Variants in IL1RAPL1 observed in about 807,000 individuals in gnomAD.
IL1RAPL1 encodes the protein interleukin 1 receptor accessory protein like 1.
IL1RAPL1 carries 3 observed loss-of-function variants against 48.4 expected under a neutral mutation model. The observed-to-expected ratio is 0.06, with a 90% CI of 0.03 to 0.16. The LOEUF is 0.16. Among genes scored for constraint, IL1RAPL1 ranks in the 10% least tolerant of loss-of-function variants. The probability of loss-of-function intolerance (pLI) is 1.00; values close to 1 mark genes in which losing one functional copy is unlikely to be tolerated. For missense variants in IL1RAPL1, 349 were observed against 530.6 expected (o/e 0.66, Z 3.36); for synonymous variants, 185 against 187.7 (o/e 0.99, Z 0.12).
chrX:29,652,333 T>A (rs1602346933), intron 5 of IL1RAPL1, among the ~76,000 whole-genome samples: 1 of 111,423 alleles, frequency 9.0e-6, no homozygotes, highest in African/African-American at 3.3e-5. Flanking sequence ...GGTAAACAGA[T>A]TGTGTTTAAG....
intron 5 of IL1RAPL1, among the ~76,000 whole-genome samples, chrX:29,589,386 A>C (rs1401117842): frequency 9.0e-6 from 1 of 111,728 alleles, no homozygotes; most frequent in Non-Finnish European, 1.9e-5. Context: ...GAGTAATCCA[A>C]ACAGGCCATA....
chrX:28,690,548 A>C (rs919917101), intron 1 of IL1RAPL1, among the ~76,000 whole-genome samples: 2 of 111,151 alleles, frequency 1.8e-5, no homozygotes, highest in Non-Finnish European at 3.8e-5. Flanking sequence ...TCTGACTTGC[A>C]ATCTACCTCT....
intron 6 of IL1RAPL1, among the ~76,000 whole-genome samples, chrX:29,757,171 CAGAT>C (rs1176958362): frequency 8.9e-6 from 1 of 112,065 alleles, no homozygotes; most frequent in African/African-American, 3.2e-5. Flanking sequence ...AGAAAACTAA[CAGAT>C]AGCCAAAATA....
At position 28,721,420 on chromosome X, in the gene IL1RAPL1, C is replaced by T. The variant is rs1203016584; in HGVS notation, c.-24-67900C>T. ...TTGAGAAGTGTCTGTTCATATCCTT[C>T]GCCCACTTTTTGATGGGGTTGTTTG... On this transcript the variant is annotated intron_variant, in intron 1 of 10. Coordinates refer to ENST00000378993, the MANE Select transcript of IL1RAPL1 (RefSeq NM_014271.4). 7.1e-4 allele frequency among the ~76,000 whole-genome samples: 79 copies of T among 111,694 alleles called. 1 individual carries two copies. The highest frequency in any genetic ancestry group is 2.3e-3 in the African/African-American group (71 of 30,741).
At chrX:28,651,096 T>A (rs1934678095) in intron 1 of IL1RAPL1, among the ~76,000 whole-genome samples, 3 of 112,236 alleles carry the variant, frequency 2.7e-5, no homozygotes, top group African/African-American at 9.7e-5. Flanking sequence ...AAAACTACCC[T>A]CATGCTATGT....
chrX:28,897,236 C>T (rs1265540765), intron 2 of IL1RAPL1, among the ~76,000 whole-genome samples: 2 of 110,590 alleles, frequency 1.8e-5, no homozygotes, highest in Admixed American at 1.9e-4. Context: ...GTTCTTGCCC[C>T]CTAGAAAAGC....
chrX:28,842,486 G>A (rs956798985), intron 2 of IL1RAPL1, among the ~76,000 whole-genome samples: 2 of 110,284 alleles, frequency 1.8e-5, no homozygotes, highest in African/African-American at 3.3e-5. Flanking sequence ...AATCTCCTGG[G>A]GTGCCTGTGA....
chrX:29,147,374 A>G (rs1007615833), intron 2 of IL1RAPL1, among the ~76,000 whole-genome samples: 2 of 111,976 alleles, frequency 1.8e-5, no homozygotes, highest in Non-Finnish European at 1.9e-5. Context: ...GTAAATATAA[A>G]GGGAGGGGGA....
chrX:29,017,090 T>A (rs1926258003), intron 2 of IL1RAPL1, among the ~76,000 whole-genome samples: 1 of 112,245 alleles, frequency 8.9e-6, no homozygotes, highest in African/African-American at 3.2e-5. Flanking sequence ...AAGTATGACT[T>A]CTGTAACACT....
At chrX:29,179,866 C>A (rs1452420747) in intron 2 of IL1RAPL1, among the ~76,000 whole-genome samples, 2 of 111,066 alleles carry the variant, frequency 1.8e-5, no homozygotes, top group Non-Finnish European at 3.8e-5. Context: ...ACTGGAATTA[C>A]CTGGAGGGCT....
rs192407699 is a variant in IL1RAPL1 at position 29,686,522 on chromosome X, C to G, written c.778+18018C>G. Among the ~76,000 whole-genome samples the G allele has an allele frequency of 7.1e-3, 718 of 100,691 alleles. 5 individuals carry two copies. Among genetic ancestry groups the G allele is most frequent in the African/African-American group, 0.025 (680 of 27,374 alleles). 87.4% of individuals were successfully genotyped at this position (100,691 alleles called of 115,157 possible). On this transcript the variant is annotated intron_variant, in intron 6 of 10. Transcript: ENST00000378993. ...GTTTCCTTGATCCCCTGCCTCCCCCCACCCCCCTAAAGATTTATTTATTTA... is the reference window on the plus strand; with the variant it reads ...GTTTCCTTGATCCCCTGCCTCCCCCGACCCCCCTAAAGATTTATTTATTTA...
intron 1 of IL1RAPL1, among the ~76,000 whole-genome samples, chrX:28,683,124 A>G (rs1935079591): frequency 8.9e-6 from 1 of 111,740 alleles, no homozygotes; most frequent in Non-Finnish European, 1.9e-5. Flanking sequence ...TTGAGTTCAT[A>G]TTGGATTCCT....
chrX:29,635,621 G>C (rs1019557655), intron 5 of IL1RAPL1, among the ~76,000 whole-genome samples: 1 of 111,061 alleles, frequency 9.0e-6, no homozygotes, highest in African/African-American at 3.3e-5. Flanking sequence ...GAACCAGACA[G>C]CAGGGAACAC....
intron 2 of IL1RAPL1, among the ~76,000 whole-genome samples, chrX:29,204,675 T>C (rs1019906171): frequency 8.9e-6 from 1 of 112,232 alleles, no homozygotes; most frequent in Non-Finnish European, 1.9e-5. Flanking sequence ...TTCCTATAAG[T>C]AAAATAAAAT....
intron 6 of IL1RAPL1, among the ~76,000 whole-genome samples, chrX:29,803,268 T>C (rs1255515618): frequency 8.6e-5 from 3 of 34,881 alleles, no homozygotes; most frequent in African/African-American, 3.7e-4. Context: ...CATGTATATA[T>C]GTATACATAT....
intron 5 of IL1RAPL1, among the ~76,000 whole-genome samples, chrX:29,505,750 C>T (rs796659951): frequency 9.0e-6 from 1 of 111,715 alleles, no homozygotes; most frequent in South Asian, 3.7e-4. Flanking sequence ...TTTGTGTTCT[C>T]TGGCCTTCTC....
chrX:29,812,087 A>G (rs985736088), intron 6 of IL1RAPL1, among the ~76,000 whole-genome samples: 2 of 112,134 alleles, frequency 1.8e-5, no homozygotes, highest in African/African-American at 6.5e-5. Flanking sequence ...TGATAGACAG[A>G]TTGTGAAATA....
chrX:29,636,766 C>G (rs1026148414), intron 5 of IL1RAPL1, among the ~76,000 whole-genome samples: 1 of 111,837 alleles, frequency 8.9e-6, no homozygotes, highest in East Asian at 2.8e-4. Flanking sequence ...AGGCTGGGCA[C>G]TGTGGCTCAC....
At chrX:29,064,521 A>G (rs1416360498) in intron 2 of IL1RAPL1, among the ~76,000 whole-genome samples, 1 of 111,332 alleles carries the variant, frequency 9.0e-6, no homozygotes, top group East Asian at 2.8e-4. Context: ...TTGGTAGAAG[A>G]AAAGAGAACA....
Sources: allele counts gnomAD v4.1 joint callset (sites outside exome capture counted in the v4.1 genomes callset), GRCh38; gene constraint gnomAD v4.1.1; transcripts MANE v1.5; gene names NCBI Gene and HGNC (gene_info 2026-07-23, HGNC 2026-07-21).